The following USP20 variants were observed in gnomAD, a reference collection of about 807,000 sequenced individuals.
USP20 encodes the protein ubiquitin specific peptidase 20, also known as ubiquitin carboxyl-terminal hydrolase 20.
Under a neutral mutation model 124.2 loss-of-function variants are expected in USP20, and 80 were observed. That is an observed-to-expected ratio of 0.64 (90% CI 0.54 to 0.78). The LOEUF (loss-of-function observed/expected upper bound fraction) is 0.78. USP20 is among the 30% of genes least tolerant of loss of function. The pLI is 0.00. For synonymous variants in USP20, 481 were observed against 512.3 expected, an observed-to-expected ratio of 0.94 and a Z score of 0.83; for missense variants, 1,043 against 1,244.4, an observed-to-expected ratio of 0.84 and a Z score of 2.44.
intron 1 of USP20, among the ~76,000 whole-genome samples, chr9:129,846,230 T>TAC (rs1469669216): frequency 3.2e-4 from 16 of 49,362 alleles, no homozygotes; most frequent in African/African-American, 1.4e-3. Flanking sequence ...CGCCCAGCCA[T>TAC]ATATATATAT....
intron 4 of USP20, 37 bp downstream of exon 4, chr9:129,856,397 G>GC: frequency 1.2e-6 from 2 of 1,606,464 alleles, no homozygotes; most frequent in Non-Finnish European, 1.7e-6. Flanking sequence ...GTGTAGAGCT[G>GC]CTTCCACCTG....
intron 8 of USP20, among the ~76,000 whole-genome samples, chr9:129,862,396 AC>A (rs2033594000): frequency 6.6e-6 from 1 of 152,126 alleles, no homozygotes. Flanking sequence ...TACTAAAAAT[AC>A]AAAAAACTAG....
chr9:129,857,948 C>T, intron 4 of USP20, 102 bp from the exon 5 acceptor site: 1 of 1,054,246 alleles, frequency 9.5e-7, no homozygotes, highest in Non-Finnish European at 1.5e-6. Context: ...GGCCCCTATT[C>T]AGGAGAGGTA....
intron 23 of USP20, among the ~76,000 whole-genome samples, chr9:129,878,998 C>G (rs2034526799): frequency 6.6e-6 from 1 of 152,256 alleles, no homozygotes; most frequent in African/African-American, 2.4e-5. Flanking sequence ...TGGTGTGGAG[C>G]ATGAGCACCC....
intron 9 of USP20, among the ~76,000 whole-genome samples, chr9:129,863,774 G>A (rs749947097): frequency 1.3e-5 from 2 of 152,346 alleles, no homozygotes; most frequent in Non-Finnish European, 2.9e-5. Flanking sequence ...AATTTTAAAT[G>A]AGCACATAGA....
rs761726160 is a variant in USP20, at chr9:129,869,745, A to G, written c.1466A>G (p.His489Arg). ...IPGKEDLAKL[H>R]SAIYQNVPAK... ...GGAAAGGAGGACCTGGCCAAGCTCCATTCAGCCATCTACCAGAATGTGCCG... is the reference window on the plus strand; with the variant it reads ...GGAAAGGAGGACCTGGCCAAGCTCCGTTCAGCCATCTACCAGAATGTGCCG... The change falls in exon 14 of 26, where the codon CAT becomes CGT. Residue 489 changes from histidine (H) to arginine (R), a missense_variant. His to Arg is a conservative substitution (Grantham distance 29, BLOSUM62 0). Transcript: ENST00000372429. 6.2e-7 allele frequency: 1 copy of G among 1,614,088 alleles called. No homozygotes were observed. The highest frequency in any genetic ancestry group is 1.1e-5 in the South Asian group (1 of 91,084).
At chr9:129,858,919 C>T (rs2033365528) in intron 6 of USP20, among the ~76,000 whole-genome samples, 1 of 152,116 alleles carries the variant, frequency 6.6e-6, no homozygotes, top group African/African-American at 2.4e-5. Flanking sequence ...GAGTGTAGAC[C>T]CTTCCAGGCC....
chr9:129,869,820 C>T lies in USP20; in HGVS notation c.1541C>T (p.Ala514Val). 2 of 1,613,922 alleles carry T rather than the reference C, an allele frequency of 1.2e-6. No homozygotes were observed. The highest frequency in any genetic ancestry group is 1.7e-6 in the Non-Finnish European group (2 of 1,180,014). ...AGCTATGCCGCCCAGGGCTGGCTGG[C>T]CTTCATTGTGGAGTACATCCGACGG... The part of the protein sequence containing the change: ...GDSYAAQGWL[A>V]FIVEYIRRFV... Residue 514 changes from alanine (A) to valine (V), a missense_variant, in exon 14 of 26, where the codon GCC becomes GTC. By Grantham distance (64) the Ala-to-Val change is moderately conservative (BLOSUM62 0). Coordinates refer to ENST00000372429, the MANE Select transcript of USP20 (RefSeq NM_001110303.4).
In USP20 at chr9:129,858,612, T is replaced by G. The variant is rs113893347; in HGVS notation, c.330+14T>G. ...TTCTCTGAACAGGTAACCTGTGTGG[T>G]GGGCTCTGTTTGGTTGTTGGTGACA... On this transcript the variant is annotated intron_variant, in intron 6 of 25. Transcript: ENST00000372429. 4.2e-4 allele frequency: 681 copies of G among 1,611,770 alleles called. 3 individuals are homozygous for G. In the African/African-American group the frequency reaches 7.4e-3, roughly 18 times the overall value.
At chr9:129,869,037 G>A in intron 12 of USP20, 35 bp downstream of exon 12, 1 of 1,579,782 alleles carries the variant, frequency 6.3e-7, no homozygotes, top group Non-Finnish European at 8.6e-7. Flanking sequence ...TCAGCTTGAG[G>A]CTGGGAGTAC....
At chr9:129,855,485 G>A (rs1020189058) in intron 3 of USP20, among the ~76,000 whole-genome samples, 1 of 151,902 alleles carries the variant, frequency 6.6e-6, no homozygotes, top group Non-Finnish European at 1.5e-5. Flanking sequence ...CCACAGGTAG[G>A]TAGGACTGGT....
chr9:129,864,116 AAC>A (rs1554747664), intron 9 of USP20, among the ~76,000 whole-genome samples: 4 of 151,026 alleles, frequency 2.6e-5, no homozygotes, highest in Non-Finnish European at 4.4e-5. Context: ...AAAAAAAAAA[AAC>A]AAAAACAAAA....
In USP20 at chr9:129,858,548, C is replaced by T; in HGVS notation, c.280C>T (p.Gln94Ter). 1 of 1,614,200 alleles carries T rather than the reference C, an allele frequency of 6.2e-7. No individual in the cohort carries two copies. Among genetic ancestry groups the T allele is most frequent in the Non-Finnish European group, 8.5e-7 (1 of 1,180,018 alleles). Residue 94 changes from glutamine (Q) to a stop codon, truncating the protein, a stop_gained, in exon 6 of 26, where the codon CAG becomes TAG. Transcript: ENST00000372429. LOFTEE classifies it high-confidence loss of function. ...CTGTGAGAAGGAGGTATTCCTGGAG[C>T]AGCGGCTGGCAGCCCCTCTGCTGGG... The part of the protein sequence containing the change: ...YACEKEVFLE[Q>*]RLAAPLLGSS...
chr9:129,853,161 C>T (rs3780700), intron 3 of USP20, among the ~76,000 whole-genome samples: 11,035 of 151,734 alleles, frequency 0.073, 412 homozygotes, highest in South Asian at 0.088. Context: ...CAGCCCACCC[C>T]CGGGTAAGCA....
intron 22 of USP20, 110 bp downstream of exon 22, chr9:129,876,348 G>A (rs1363627675): frequency 3.4e-6 from 3 of 889,100 alleles, no homozygotes; most frequent in Non-Finnish European, 5.3e-6. Context: ...TTTGAAAGCA[G>A]TCTTTTGAGG....
intron 1 of USP20, among the ~76,000 whole-genome samples, chr9:129,846,183 C>A (rs1310724308): frequency 6.7e-6 from 1 of 149,666 alleles, no homozygotes; most frequent in Admixed American, 6.7e-5. Flanking sequence ...CCCGCCTCGG[C>A]CTCCCAAAGT....
At chr9:129,865,959 A>G in intron 10 of USP20, among the ~76,000 whole-genome samples, 1 of 152,148 alleles carries the variant, frequency 6.6e-6, no homozygotes, top group Non-Finnish European at 1.5e-5. Flanking sequence ...TTGATTAAAA[A>G]TTTTTTTTAA....
Position 129,881,019 on chromosome 9 carries a change from A to G in USP20, c.*569A>G, listed in dbSNP as rs2034617421. 1 of 152,242 alleles carries G rather than the reference A, an allele frequency of 6.6e-6. No individual in the cohort carries two copies. Among genetic ancestry groups the G allele is most frequent in the Non-Finnish European group, 1.5e-5 (1 of 68,162 alleles). 9.4% of individuals were successfully genotyped at this position (152,242 alleles called of 1,614,324 possible). Reference sequence around the variant, plus strand: ...TTCTCCTGCAGACTGAAGACTCTGGACTCATTGCTGATTGGAACACCAGGA... The same window carrying G: ...TTCTCCTGCAGACTGAAGACTCTGGGCTCATTGCTGATTGGAACACCAGGA... On this transcript the variant is annotated 3_prime_UTR_variant, in exon 26 of 26. Coordinates refer to ENST00000372429, the MANE Select transcript of USP20 (RefSeq NM_001110303.4).
intron 14 of USP20, 156 bp downstream of exon 14, chr9:129,870,000 T>G: frequency 1.2e-6 from 1 of 830,126 alleles, no homozygotes; most frequent in Admixed American, 2.8e-5. Flanking sequence ...TGGCTTAATA[T>G]GCAGGGGATT....
Sources: gnomAD v4.1 joint callset for allele counts (sites outside exome capture counted in the v4.1 genomes callset) on GRCh38, gnomAD v4.1.1 for gene constraint, MANE v1.5 for transcripts, NCBI Gene and HGNC (gene_info 2026-07-23, HGNC 2026-07-21) for gene names.